ESRRG: variants seen among roughly 807,000 people sequenced by gnomAD.
The protein encoded by ESRRG is estrogen related receptor gamma, also known as estrogen-related receptor gamma.
Under a neutral mutation model 44.0 loss-of-function variants are expected in ESRRG, and 13 were observed. That is an observed-to-expected ratio of 0.30 (90% CI 0.19 to 0.47). The LOEUF (loss-of-function observed/expected upper bound fraction) is 0.47. Ranked by LOEUF, ESRRG falls within the 20% of genes least tolerant of loss-of-function variation. The pLI is 1.00. For missense variants in ESRRG, 395 were observed against 580.6 expected (o/e 0.68, Z 3.29); for synonymous variants, 215 against 214.6 (o/e 1.00, Z -0.02).
intron 1 of ESRRG, among the ~76,000 whole-genome samples, chr1:216,713,363 GAA>G (rs67579659): frequency 2.2e-3 from 290 of 130,114 alleles, no homozygotes; most frequent in African/African-American, 5.2e-3. Context: ...TTCCTTTCTT[GAA>G]AAAAAAAAAA....
At chr1:217,066,050 ACAGT>A (rs1322060939) in intron 1 of ESRRG, among the ~76,000 whole-genome samples, 1 of 152,158 alleles carries the variant, frequency 6.6e-6, no homozygotes, top group Non-Finnish European at 1.5e-5. Context: ...TATCATGTGG[ACAGT>A]CACTCTGAAC....
At chr1:216,776,260 C>T (rs1474078986) in intron 2 of ESRRG, among the ~76,000 whole-genome samples, 2 of 152,062 alleles carry the variant, frequency 1.3e-5, no homozygotes, top group Non-Finnish European at 2.9e-5. Context: ...TTGCAGTTCT[C>T]CCATAATACC....
chr1:216,682,224 G>A (rs1030563717), intron 1 of ESRRG, among the ~76,000 whole-genome samples: 1 of 152,166 alleles, frequency 6.6e-6, no homozygotes, highest in Non-Finnish European at 1.5e-5. Context: ...AGGAATGTGT[G>A]TACAGATCAT....
upstream of ESRRG, among the ~76,000 whole-genome samples, chr1:216,725,911 C>A (rs1361342175): frequency 6.6e-6 from 1 of 152,054 alleles, no homozygotes; most frequent in Non-Finnish European, 1.5e-5. Context: ...TTTTTAAAGA[C>A]AAGATTTGTA....
At chr1:217,017,335 C>G (rs182717155) in intron 1 of ESRRG, among the ~76,000 whole-genome samples, 245 of 152,114 alleles carry the variant, frequency 1.6e-3, no homozygotes, top group Non-Finnish European at 2.7e-3. Context: ...CCCTCTCAGC[C>G]TCATTCACAC....
intron 3 of ESRRG, among the ~76,000 whole-genome samples, chr1:216,633,440 T>G (rs1394839377): frequency 1.3e-5 from 2 of 152,232 alleles, no homozygotes; most frequent in Admixed American, 6.5e-5. Context: ...TTATATGCAA[T>G]GTACACAATG....
chr1:217,062,722 T>C (rs928467371), intron 1 of ESRRG, among the ~76,000 whole-genome samples: 8 of 152,160 alleles, frequency 5.3e-5, no homozygotes, highest in Admixed American at 4.6e-4. Context: ...ACAGAGCCAG[T>C]TTAGATCAGT....
At chr1:216,525,008 T>G (rs2047205290) in intron 5 of ESRRG, among the ~76,000 whole-genome samples, 1 of 152,176 alleles carries the variant, frequency 6.6e-6, no homozygotes, top group South Asian at 2.1e-4. Context: ...AGTTTACAAT[T>G]AGCCCAATCA....
intron 1 of ESRRG, among the ~76,000 whole-genome samples, chr1:216,947,491 G>C (rs1298662386): frequency 1.3e-5 from 2 of 152,130 alleles, no homozygotes; most frequent in Admixed American, 6.5e-5. Flanking sequence ...GGCTTCCTCA[G>C]ATGTATTTTT....
At chr1:216,889,714 T>C (rs551267376) in intron 2 of ESRRG, among the ~76,000 whole-genome samples, 50 of 152,204 alleles carry the variant, frequency 3.3e-4, no homozygotes, top group Non-Finnish European at 5.1e-4. Flanking sequence ...CCAACAGTAT[T>C]TCTCAGTGGG....
chr1:217,103,482 C>CAA (rs200078602), intron 1 of ESRRG, among the ~76,000 whole-genome samples: 30 of 119,982 alleles, frequency 2.5e-4, no homozygotes, highest in East Asian at 6.9e-4. Context: ...CTCATCTCTA[C>CAA]AAAAAAAAAA....
chr1:216,507,646 G>C (rs1456360210), intron 6 of ESRRG, among the ~76,000 whole-genome samples: 1 of 152,144 alleles, frequency 6.6e-6, no homozygotes, highest in East Asian at 1.9e-4. Flanking sequence ...GGAAAAAATT[G>C]TTGACTAAGA....
chr1:216,943,852 A>G (rs116557358), intron 1 of ESRRG, among the ~76,000 whole-genome samples: 3,294 of 152,192 alleles, frequency 0.022, 118 homozygotes, highest in African/African-American at 0.074. Context: ...CAGGATTTCA[A>G]TAAAGGCAAT....
At chr1:216,769,167 A>C (rs896050481) in intron 2 of ESRRG, among the ~76,000 whole-genome samples, 6 of 152,086 alleles carry the variant, frequency 3.9e-5, no homozygotes, top group Admixed American at 3.9e-4. Context: ...TTAGCAGGAG[A>C]ATTGAGGAGA....
At chr1:216,617,359 C>A (rs1056847973) in intron 3 of ESRRG, among the ~76,000 whole-genome samples, 1 of 151,954 alleles carries the variant, frequency 6.6e-6, no homozygotes, top group Non-Finnish European at 1.5e-5. Context: ...CCCAAGCAGT[C>A]CTATTGTTAA....
intron 1 of ESRRG, among the ~76,000 whole-genome samples, chr1:216,705,193 C>T (rs546690169): frequency 4.6e-5 from 7 of 152,186 alleles, no homozygotes; most frequent in Non-Finnish European, 7.3e-5. Context: ...GAGATTTACA[C>T]GTTTTAAGAC....
chr1:216,545,253 G>GGATC (rs1454549075), intron 5 of ESRRG, among the ~76,000 whole-genome samples: 2 of 149,640 alleles, frequency 1.3e-5, no homozygotes, highest in Non-Finnish European at 3.0e-5. Flanking sequence ...TTTAAAGACA[G>GGATC]GATCTCACTA....
chr1:217,005,799 C>T (rs2077670197), intron 1 of ESRRG, among the ~76,000 whole-genome samples: 1 of 152,048 alleles, frequency 6.6e-6, no homozygotes, highest in Admixed American at 6.6e-5. Context: ...TTTTTCTAAG[C>T]ATTTTAAAGT....
chr1:216,912,170 GAAAA>G (rs1560082320), intron 2 of ESRRG, among the ~76,000 whole-genome samples: 40 of 28,202 alleles, frequency 1.4e-3, no homozygotes, highest in Non-Finnish European at 1.6e-3. Context: ...GAAAAGAAAA[GAAAA>G]GAAAAGAAAA....
Sources: allele counts gnomAD v4.1 joint callset (sites outside exome capture counted in the v4.1 genomes callset), GRCh38; gene constraint gnomAD v4.1.1; transcripts MANE v1.5; gene names NCBI Gene and HGNC (gene_info 2026-07-23, HGNC 2026-07-21).